Variants in NRXN3 observed in about 807,000 individuals in gnomAD.
NRXN3 encodes the protein neurexin 3.
In NRXN3, 32 loss-of-function variants were observed where a neutral mutation model predicts 137.6. The ratio of observed to expected loss-of-function variants is 0.23; its 90% CI spans 0.18 to 0.31. The LOEUF is 0.31. NRXN3 is among the 10% of genes least tolerant of loss of function. The probability of loss-of-function intolerance (pLI) is 1.00; values close to 1 mark genes in which losing one functional copy is unlikely to be tolerated. For missense variants in NRXN3, 1,574 were observed against 2,062.5 expected (o/e 0.76, Z 4.59); for synonymous variants, 798 against 784.5 (o/e 1.02, Z -0.29).
At chr14:78,306,124 G>A (rs1160705043) in intron 4 of NRXN3, among the ~76,000 whole-genome samples, 1 of 152,118 alleles carries the variant, frequency 6.6e-6, no homozygotes, top group African/African-American at 2.4e-5. Context: ...TTAATAAAAT[G>A]TACAATGTAT....
intron 16 of NRXN3, among the ~76,000 whole-genome samples, chr14:79,551,529 TAAG>T (rs1208341026): frequency 1.3e-5 from 2 of 152,190 alleles, no homozygotes; most frequent in African/African-American, 2.4e-5. Flanking sequence ...ATCTCTCTTT[TAAG>T]AAGATCTGAA....
chr14:79,052,996 T>C (rs555742700), intron 15 of NRXN3, among the ~76,000 whole-genome samples: 18 of 152,338 alleles, frequency 1.2e-4, no homozygotes, highest in African/African-American at 4.3e-4. Context: ...AATACTAAGA[T>C]TATTTTATTT....
At chr14:78,190,818 T>G (rs866533503) in intron 1 of NRXN3, among the ~76,000 whole-genome samples, 49 of 151,904 alleles carry the variant, frequency 3.2e-4, no homozygotes, top group African/African-American at 1.1e-3. Context: ...GGATTACAGG[T>G]GCCCACCACC....
At chr14:79,766,372 T>A (rs916829541) in intron 19 of NRXN3, among the ~76,000 whole-genome samples, 1 of 152,214 alleles carries the variant, frequency 6.6e-6, no homozygotes, top group Non-Finnish European at 1.5e-5. Flanking sequence ...GTTGTCCGCA[T>A]CTTATGTATC....
chr14:78,873,495 G>T (rs553280842), intron 10 of NRXN3, among the ~76,000 whole-genome samples: 1 of 152,276 alleles, frequency 6.6e-6, no homozygotes, highest in Admixed American at 6.5e-5. Flanking sequence ...GCAGACATGA[G>T]TGTGGCCTTT....
At chr14:79,704,143 A>ATAGAC (rs1247181493) in intron 19 of NRXN3, among the ~76,000 whole-genome samples, 1 of 152,154 alleles carries the variant, frequency 6.6e-6, no homozygotes, top group Admixed American at 6.6e-5. Context: ...GTTACAACAC[A>ATAGAC]TAGACTATTC....
At position 78,243,550 on chromosome 14, in the gene NRXN3, C is replaced by T. The variant is rs763388870; in HGVS notation, c.457C>T (p.Pro153Ser). Reference sequence around the variant, plus strand: ...CAGTGACTTGTTCCTTGGTGGAGTCCCTACTGACATACGACCTTCTGCCCT... The same window carrying T: ...CAGTGACTTGTTCCTTGGTGGAGTCTCTACTGACATACGACCTTCTGCCCT... ...VVSDLFLGGV[P>S]TDIRPSALTL... The change falls in exon 2 of 21, where the codon CCT becomes TCT. Residue 153 changes from proline to serine, a missense_variant. By Grantham distance (74) the Pro-to-Ser change is moderately conservative. Around this residue, in one of 5 missense-constraint regions of NRXN3, gnomAD observed 400 missense variants for 527.3 expected, o/e 0.76. Transcript: ENST00000335750. The surrounding 1 kb of genome is among the most constrained non-coding windows in gnomAD (Gnocchi z 4.2). 6.3e-6 allele frequency: 10 copies of T among 1,598,000 alleles called. No individual in the cohort carries two copies. In the East Asian group the frequency reaches 2.2e-4, roughly 36 times the overall value.
chr14:79,698,397 G>A (rs1343800978), intron 19 of NRXN3, among the ~76,000 whole-genome samples: 1 of 151,878 alleles, frequency 6.6e-6, no homozygotes, highest in African/African-American at 2.4e-5. Flanking sequence ...TTAAATCAAG[G>A]GCAGTTAAAG....
intron 4 of NRXN3, among the ~76,000 whole-genome samples, chr14:78,621,030 C>T (rs2097398695): frequency 6.6e-6 from 1 of 152,132 alleles, no homozygotes; most frequent in East Asian, 1.9e-4. Flanking sequence ...AATGTTTAAT[C>T]CTTGTGGTAT....
chr14:79,739,547 G>A (rs1031831362), intron 19 of NRXN3, among the ~76,000 whole-genome samples: 5 of 149,094 alleles, frequency 3.4e-5, no homozygotes, highest in African/African-American at 9.9e-5. Context: ...AGGAGGCTGA[G>A]GCAGGAGAAT....
At chr14:79,294,106 A>G (rs1222259840) in intron 15 of NRXN3, among the ~76,000 whole-genome samples, 2 of 152,188 alleles carry the variant, frequency 1.3e-5, no homozygotes, top group Non-Finnish European at 1.5e-5. Context: ...AAGAGGAAGT[A>G]TCTGAGGGTC....
At chr14:79,444,223 G>C (rs2153575378) in intron 15 of NRXN3, among the ~76,000 whole-genome samples, 1 of 152,294 alleles carries the variant, frequency 6.6e-6, no homozygotes, top group East Asian at 1.9e-4. Context: ...GGCTGAGAGT[G>C]TTGAGTCCAT....
chr14:78,674,880 A>G (rs982611313), intron 6 of NRXN3, among the ~76,000 whole-genome samples: 1 of 152,180 alleles, frequency 6.6e-6, no homozygotes, highest in South Asian at 2.1e-4. Context: ...ATAATTTCCC[A>G]TTTACAATAG....
intron 15 of NRXN3, among the ~76,000 whole-genome samples, chr14:79,446,938 A>G (rs1256201765): frequency 6.6e-6 from 1 of 152,232 alleles, no homozygotes; most frequent in Non-Finnish European, 1.5e-5. Flanking sequence ...GGAGATCTCC[A>G]TAACTTATTC....
intron 4 of NRXN3, among the ~76,000 whole-genome samples, chr14:78,434,277 G>C (rs781593209): frequency 5.3e-5 from 8 of 152,154 alleles, no homozygotes; most frequent in East Asian, 1.9e-4. Context: ...TGGCAAGATT[G>C]ATTCCTTCTG....
intron 1 of NRXN3, among the ~76,000 whole-genome samples, chr14:78,196,163 C>A (rs1270031120): frequency 1.3e-5 from 2 of 152,228 alleles, no homozygotes; most frequent in South Asian, 2.1e-4. Context: ...ACCTCCTGGG[C>A]AGGGCTCCTT....
chr14:79,677,185 T>C (rs2098645334), intron 17 of NRXN3, among the ~76,000 whole-genome samples: 1 of 152,060 alleles, frequency 6.6e-6, no homozygotes, highest in Non-Finnish European at 1.5e-5. Flanking sequence ...TTTTTTATAT[T>C]AGTACGATGA....
chr14:78,994,632 G>T (rs935844526), intron 15 of NRXN3, among the ~76,000 whole-genome samples: 1 of 152,140 alleles, frequency 6.6e-6, no homozygotes, highest in Non-Finnish European at 1.5e-5. Flanking sequence ...AATGATAAAA[G>T]AAATCAAAGC....
intron 10 of NRXN3, among the ~76,000 whole-genome samples, chr14:78,845,901 T>C (rs1236802018): frequency 6.9e-6 from 1 of 144,684 alleles, no homozygotes; most frequent in African/African-American, 2.7e-5. Flanking sequence ...TATGAGTATG[T>C]TGGGGTGTGT....
Sources: gnomAD v4.1 joint callset for allele counts (sites outside exome capture counted in the v4.1 genomes callset) on GRCh38, gnomAD v4.1.1 for gene constraint, gnomAD v4.1.1 regional missense constraint, Gnocchi (gnomAD v3.1) non-coding constraint, MANE v1.5 for transcripts, NCBI Gene and HGNC (gene_info 2026-07-23, HGNC 2026-07-21) for gene names.